Variants in ABCB5 observed in about 807,000 individuals in gnomAD.
ABCB5 encodes the protein ATP-binding cassette sub-family B member 5.
In ABCB5, 155 loss-of-function variants were observed where a neutral mutation model predicts 144.2. The observed-to-expected ratio is 1.08, with a 90% CI of 0.94 to 1.23. The LOEUF is 1.23. Among genes scored for constraint, ABCB5 ranks in the 50% most tolerant of loss-of-function variants. The pLI is 0.00. For missense variants in ABCB5, 1,830 were observed against 1,520.8 expected (o/e 1.20, Z -3.38); for synonymous variants, 610 against 528.6 (o/e 1.15, Z -2.11).
chr7:20,616,859 C>A (rs920159346), intron 1 of ABCB5, among the ~76,000 whole-genome samples: 2 of 152,210 alleles, frequency 1.3e-5, no homozygotes, highest in Non-Finnish European at 2.9e-5. Context: ...AACTGGCTCA[C>A]AAATTGCTTT....
At position 20,727,154 on chromosome 7, in the gene ABCB5, C is replaced by A; in HGVS notation, c.2726+14C>A. 6.2e-7 allele frequency: 1 copy of A among 1,600,622 alleles called. No individual in the cohort carries two copies. The highest frequency in any genetic ancestry group is 1.1e-5 in the South Asian group (1 of 89,690). ...GACTCAACACAGGTGATTATAGATT[C>A]ATACTGACTTCAAAAACTTAATTTT... is the stretch of plus-strand genomic sequence containing the variant. On this transcript the variant is annotated intron_variant, in intron 22 of 27. Transcript: ENST00000404938.
At position 20,632,121 on chromosome 7, in the gene ABCB5, C is replaced by T. The variant is rs960486397; in HGVS notation, c.314+8C>T. On this transcript the variant is annotated splice_region_variant and intron_variant, in intron 5 of 27. Transcript: ENST00000404938. ...GAATGAAGATATGACTCTGTAAGTC[C>T]AAATGAAACGTTAATATCACATTCG... is the stretch of plus-strand genomic sequence containing the variant. 4 of 1,494,908 alleles carry T rather than the reference C, an allele frequency of 2.7e-6. No individual in the cohort carries two copies. The highest frequency in any genetic ancestry group is 3.6e-6 in the Non-Finnish European group (4 of 1,115,974). The allele number at this position is 1,494,908 out of a possible 1,614,324, so 92.6% of individuals were successfully genotyped here.
intron 26 of ABCB5, among the ~76,000 whole-genome samples, chr7:20,747,195 T>A (rs1782751560): frequency 6.6e-6 from 1 of 152,254 alleles, no homozygotes; most frequent in Non-Finnish European, 1.5e-5. Flanking sequence ...TGTGGTCAGA[T>A]TGTTATCTGC....
At chr7:20,676,280 G>A (rs145845875) in intron 14 of ABCB5, among the ~76,000 whole-genome samples, 36 of 149,820 alleles carry the variant, frequency 2.4e-4, no homozygotes, top group Admixed American at 1.6e-3. Flanking sequence ...TCAGTATCTC[G>A]AAGAGGTATA....
intron 20 of ABCB5, 88 bp from the exon 21 acceptor site, chr7:20,722,928 C>T: frequency 8.7e-7 from 1 of 1,144,126 alleles, no homozygotes; most frequent in Non-Finnish European, 1.3e-6. Flanking sequence ...TTTAAAAAGT[C>T]TACCTTGTTT....
chr7:20,720,772 C>T (rs965756334), intron 20 of ABCB5, among the ~76,000 whole-genome samples: 8 of 151,460 alleles, frequency 5.3e-5, no homozygotes, highest in Admixed American at 1.3e-4. Context: ...GGTGAAACCC[C>T]GTCTCTACTA....
intron 3 of ABCB5, among the ~76,000 whole-genome samples, chr7:20,627,762 C>A (rs1267339491): frequency 6.6e-6 from 1 of 152,088 alleles, no homozygotes; most frequent in Non-Finnish European, 1.5e-5. Context: ...AAATATAATT[C>A]ATTACATTTT....
intron 9 of ABCB5, 192 bp from the exon 10 acceptor site, chr7:20,647,343 A>G (rs1784434669): frequency 3.0e-6 from 4 of 1,339,490 alleles, no homozygotes; most frequent in African/African-American, 1.5e-5. Flanking sequence ...CTGTGTTTCT[A>G]TTGCTTCTCG....
At position 20,647,607 on chromosome 7, in the gene ABCB5, G is replaced by A; in HGVS notation, c.1054G>A (p.Ala352Thr). Residue 352 changes from alanine to threonine, a missense_variant, in exon 10 of 28, where the codon GCC (alanine) becomes ACC (threonine). Coordinates refer to ENST00000404938, the MANE Select transcript of ABCB5 (RefSeq NM_001163941.2). The part of the protein sequence containing the change: ...AVPHFETFAI[A>T]RGAAFHIFQV... ...CCCTCACTTTGAAACCTTCGCAATA[G>A]CCCGAGGAGCTGCCTTTCATATTTT... The A allele has an allele frequency of 6.3e-7, 1 of 1,585,320 alleles. No individual in the cohort carries two copies. Among genetic ancestry groups the A allele is most frequent in the Non-Finnish European group, 8.6e-7 (1 of 1,164,202 alleles).
At chr7:20,679,650 CAA>C (rs917257839) in intron 14 of ABCB5, among the ~76,000 whole-genome samples, 23 of 151,918 alleles carry the variant, frequency 1.5e-4, no homozygotes, top group Middle Eastern at 3.2e-3. Flanking sequence ...GGACAATTCA[CAA>C]GAGAGAATAT....
chr7:20,654,709 A>G (rs1292290146), intron 13 of ABCB5, among the ~76,000 whole-genome samples: 1 of 152,208 alleles, frequency 6.6e-6, no homozygotes, highest in East Asian at 1.9e-4. Context: ...ATCACAAAAA[A>G]CAATTCTAAA....
intron 14 of ABCB5, among the ~76,000 whole-genome samples, chr7:20,661,577 C>T (rs1196230924): frequency 6.8e-6 from 1 of 147,944 alleles, no homozygotes; most frequent in Non-Finnish European, 1.5e-5. Flanking sequence ...ACTCTGTCAC[C>T]CAGGCTGGAG....
chr7:20,739,806 G>C (rs1172986585), intron 24 of ABCB5, among the ~76,000 whole-genome samples: 5 of 151,022 alleles, frequency 3.3e-5, no homozygotes, highest in Admixed American at 2.6e-4. Flanking sequence ...TACAAACAAA[G>C]GGGAAAAAAA....
intron 12 of ABCB5, 34 bp from the exon 13 acceptor site, chr7:20,651,386 G>C (rs1417383124): frequency 3.1e-6 from 5 of 1,607,740 alleles, no homozygotes; most frequent in Non-Finnish European, 4.3e-6. Context: ...ACAGTAAAAG[G>C]CATCACAACA....
At chr7:20,619,445 T>C (rs1783761868) in intron 1 of ABCB5, among the ~76,000 whole-genome samples, 2 of 152,222 alleles carry the variant, frequency 1.3e-5, no homozygotes, top group African/African-American at 2.4e-5. Context: ...TTAGTGACGA[T>C]TAGCATTTTA....
intron 24 of ABCB5, among the ~76,000 whole-genome samples, chr7:20,741,829 G>A (rs2128055078): frequency 6.6e-6 from 1 of 152,016 alleles, no homozygotes; most frequent in South Asian, 2.1e-4. Flanking sequence ...TAGTTGTTTA[G>A]TCTAACAACA....
At chr7:20,700,035 A>AT in intron 18 of ABCB5, 23 bp from the exon 19 acceptor site, 6 of 1,610,846 alleles carry the variant, frequency 3.7e-6, no homozygotes, top group Non-Finnish European at 5.1e-6. Context: ...AAGAACGTAG[A>AT]TTTTTGTTTG....
At chr7:20,720,486 T>G (rs905709388) in intron 20 of ABCB5, among the ~76,000 whole-genome samples, 2 of 152,136 alleles carry the variant, frequency 1.3e-5, no homozygotes, top group Non-Finnish European at 2.9e-5. Context: ...CAATCAAAAC[T>G]GCGTGCCACT....
chr7:20,706,362 C>A (rs1786822046), intron 20 of ABCB5, among the ~76,000 whole-genome samples: 1 of 152,130 alleles, frequency 6.6e-6, no homozygotes, highest in African/African-American at 2.4e-5. Context: ...GGCATTCTTA[C>A]CAGCAGCTAT....
Sources: gnomAD v4.1 joint callset for allele counts (sites outside exome capture counted in the v4.1 genomes callset) on GRCh38, gnomAD v4.1.1 for gene constraint, MANE v1.5 for transcripts, NCBI Gene and HGNC (gene_info 2026-07-23, HGNC 2026-07-21) for gene names.